The following WDPCP variants were observed in gnomAD, a reference collection of about 807,000 sequenced individuals.
WDPCP encodes the protein WD repeat-containing and planar cell polarity effector protein fritz homolog.
Under a neutral mutation model 93.1 loss-of-function variants are expected in WDPCP, and 71 were observed. That is an observed-to-expected ratio of 0.76 (90% CI 0.63 to 0.93). The LOEUF is 0.93. Among genes scored for constraint, WDPCP ranks in the 40% least tolerant of loss-of-function variants. WDPCP has a pLI of 0.00. For synonymous variants in WDPCP, 315 were observed against 315.0 expected (o/e 1.00, Z 0.00); for missense variants, 844 against 887.4 (o/e 0.95, Z 0.62).
Position 63,673,362 on chromosome 2 carries a change from A to G in WDPCP, n.309-22524T>C, listed in dbSNP as rs115455496. Among the ~76,000 whole-genome samples the G allele has an allele frequency of 9.6e-3, 1,456 of 152,322 alleles. 21 individuals carry two copies. The highest frequency in any genetic ancestry group is 0.034 in the African/African-American group (1,402 of 41,570). ...AAGTAGGAATTGTTTTCAGACCACA[A>G]TATCAGCTTGACACATGTGAAAGGA... On this transcript the variant is annotated intron_variant and non_coding_transcript_variant, in intron 2 of 4. Transcript: ENST00000467687.
At chr2:63,378,279 G>T in intron 12 of WDPCP, 107 bp downstream of exon 12, 3 of 1,425,506 alleles carry the variant, frequency 2.1e-6, no homozygotes, top group East Asian at 2.3e-5. Context: ...TGAGGAGATG[G>T]ACTGTTAGGA....
chr2:63,534,289 G>A (rs1179789687), intron 1 of WDPCP, among the ~76,000 whole-genome samples: 1 of 152,152 alleles, frequency 6.6e-6, no homozygotes, highest in African/African-American at 2.4e-5. Flanking sequence ...GTACAAAGAG[G>A]AGCCGGTACC....
chr2:63,185,249 G>A (rs2104142365), intron 14 of WDPCP, among the ~76,000 whole-genome samples: 1 of 152,244 alleles, frequency 6.6e-6, no homozygotes, highest in Non-Finnish European at 1.5e-5. Context: ...AGCATCCATT[G>A]CTAGAGAGTT....
chr2:63,577,325 C>T (rs1186107180), intron 1 of WDPCP, among the ~76,000 whole-genome samples: 4 of 152,172 alleles, frequency 2.6e-5, no homozygotes, highest in Non-Finnish European at 5.9e-5. Flanking sequence ...TAACAATTCA[C>T]ACAATGTACA....
chr2:63,186,806 T>C (rs955483676), intron 14 of WDPCP, among the ~76,000 whole-genome samples: 2 of 150,754 alleles, frequency 1.3e-5, no homozygotes, highest in African/African-American at 4.9e-5. Context: ...TTTGTGTGTG[T>C]GTGTGTTTTT....
chr2:63,677,653 A>G (rs1710440377), intron 2 of WDPCP, among the ~76,000 whole-genome samples: 1 of 152,214 alleles, frequency 6.6e-6, no homozygotes, highest in African/African-American at 2.4e-5. Context: ...AAATGCAGTG[A>G]TATCTTCAAA....
At chr2:63,621,946 A>G (rs1307767320) in intron 3 of WDPCP, among the ~76,000 whole-genome samples, 1 of 151,858 alleles carries the variant, frequency 6.6e-6, no homozygotes, top group Non-Finnish European at 1.5e-5. Context: ...TTACATATGT[A>G]TACATGTGCC....
At chr2:63,281,849 T>C (rs576421220) in intron 13 of WDPCP, among the ~76,000 whole-genome samples, 1 of 152,032 alleles carries the variant, frequency 6.6e-6, no homozygotes, top group Non-Finnish European at 1.5e-5. Context: ...CGGTGAATGA[T>C]AAAAGACTTC....
chr2:63,315,496 CATAAAG>C (rs1686566830), intron 12 of WDPCP, among the ~76,000 whole-genome samples: 1 of 151,896 alleles, frequency 6.6e-6, no homozygotes, highest in Non-Finnish European at 1.5e-5. Flanking sequence ...AGTATGAGTT[CATAAAG>C]ATAATCAAAA....
chr2:63,350,475 CCA>C (rs1689516574), intron 12 of WDPCP, among the ~76,000 whole-genome samples: 2 of 104,064 alleles, frequency 1.9e-5, no homozygotes, highest in Non-Finnish European at 4.2e-5. Context: ...TCAACGAAAC[CCA>C]AAAAAAAAAA....
At chr2:63,213,125 A>T (rs889141837) in intron 14 of WDPCP, among the ~76,000 whole-genome samples, 2 of 152,222 alleles carry the variant, frequency 1.3e-5, no homozygotes, top group Non-Finnish European at 2.9e-5. Context: ...AAGTGGACCT[A>T]ATAGACAGCT....
At chr2:63,736,571 T>A (rs1016212423) in intron 2 of WDPCP, among the ~76,000 whole-genome samples, 1 of 152,198 alleles carries the variant, frequency 6.6e-6, no homozygotes, top group Non-Finnish European at 1.5e-5. Flanking sequence ...AGGAAGTAAC[T>A]GAAAATCTGC....
intron 12 of WDPCP, among the ~76,000 whole-genome samples, chr2:63,338,557 AAAAAAAAAAAAAATATATAT>A (rs1558489574): frequency 5.2e-5 from 1 of 19,274 alleles, no homozygotes; most frequent in African/African-American, 5.3e-4. Flanking sequence ...CATCTAAAAA[AAAAAAAAAAAAAATATATAT>A]ATATATATAT....
At chr2:63,824,554 A>AC in intron 1 of WDPCP, among the ~76,000 whole-genome samples, 1 of 150,814 alleles carries the variant, frequency 6.6e-6, no homozygotes, top group Non-Finnish European at 1.5e-5. Context: ...AAAAAAAAAA[A>AC]AAAAAAAAAC....
intron 3 of WDPCP, chr2:63,594,404 G>A (rs1177092500): frequency 9.7e-7 from 1 of 1,033,564 alleles, no homozygotes; most frequent in Non-Finnish European, 1.5e-6. Context: ...TAAAGTATGT[G>A]GATTTCTTAC....
intron 2 of WDPCP, among the ~76,000 whole-genome samples, chr2:63,723,267 C>G (rs1669453044): frequency 6.7e-6 from 1 of 149,446 alleles, no homozygotes; most frequent in South Asian, 2.1e-4. Flanking sequence ...TGAGAAACAC[C>G]CAAGAATTAT....
At chr2:63,566,763 C>T (rs1281529962) in intron 1 of WDPCP, among the ~76,000 whole-genome samples, 2 of 152,196 alleles carry the variant, frequency 1.3e-5, no homozygotes, top group African/African-American at 2.4e-5. Flanking sequence ...TCCCACAAGA[C>T]TGTCCTCACT....
chr2:63,761,590 G>A (rs1670055400), intron 2 of WDPCP, among the ~76,000 whole-genome samples: 1 of 152,144 alleles, frequency 6.6e-6, no homozygotes, highest in African/African-American at 2.4e-5. Context: ...GAAGAACTTG[G>A]AGTCTCATGT....
chr2:63,263,993 C>T (rs1681873496), intron 13 of WDPCP, among the ~76,000 whole-genome samples: 1 of 152,130 alleles, frequency 6.6e-6, no homozygotes, highest in Admixed American at 6.5e-5. Context: ...GCTTCATTTC[C>T]ACTTACTTGT....
Sources: allele counts gnomAD v4.1 joint callset (sites outside exome capture counted in the v4.1 genomes callset), GRCh38; gene constraint gnomAD v4.1.1; transcripts MANE v1.5; gene names NCBI Gene and HGNC (gene_info 2026-07-23, HGNC 2026-07-21).